GALR3: variants seen among roughly 807,000 people sequenced by gnomAD.
GALR3 encodes the protein galanin receptor 3.
GALR3 carries 5 observed loss-of-function variants against 6.9 expected under a neutral mutation model. The observed-to-expected ratio is 0.72, with a 90% CI of 0.38 to 1.52. The LOEUF is 1.52. Among genes scored for constraint, GALR3 ranks in the 40% most tolerant of loss-of-function variants. GALR3 has a pLI of 0.03. For synonymous variants in GALR3, 308 were observed against 263.6 expected (o/e 1.17, Z -1.63); for missense variants, 570 against 545.6 (o/e 1.04, Z -0.44).
chr22:37,823,771 C>G lies in GALR3; in HGVS notation c.359+6C>G. The G allele has an allele frequency of 1.4e-6, 2 of 1,476,522 alleles. No homozygotes were observed. Among genetic ancestry groups the G allele is most frequent in the Non-Finnish European group, 1.9e-6 (2 of 1,078,370 alleles). The allele number at this position is 1,476,522 out of a possible 1,614,324, so 91.5% of individuals were successfully genotyped here. A position where few individuals can be genotyped will look rare whatever the true frequency, so the allele number is the denominator to read the frequency against. ...GCTGCTGTCTCCGTGGACAGGTGCG[C>G]TGTGCCTGGGGCCTGGCTGGGCAGG... On this transcript the variant is annotated splice_donor_region_variant and intron_variant, in intron 1 of 1. Transcript: ENST00000249041.
chr22:37,824,937 G>T lies in GALR3; in HGVS notation c.574G>T (p.Gly192Cys). Reference sequence around the variant, plus strand: ...CCTGGACGTGGCCACCTTCGCTGCCGGCTACCTGCTGCCCGTGGCTGTGGT... The same window carrying T: ...CCTGGACGTGGCCACCTTCGCTGCCTGCTACCTGCTGCCCGTGGCTGTGGT... ...RALDVATFAA[G>C]YLLPVAVVSL... The change falls in exon 2 of 2, where the codon GGC becomes TGC. Residue 192 changes from glycine to cysteine, a missense_variant. Coordinates refer to ENST00000249041, the MANE Select transcript of GALR3 (RefSeq NM_003614.2). 2.3e-6 allele frequency: 3 copies of T among 1,326,646 alleles called. No individual in the cohort carries two copies. The highest frequency in any genetic ancestry group is 6.2e-5 in the East Asian group (2 of 32,426). The allele number at this position is 1,326,646 out of a possible 1,614,324, so 82.2% of individuals were successfully genotyped here.
chr22:37,824,913 C>A lies in GALR3; in HGVS notation c.550C>A (p.Leu184Met). 1 of 1,354,974 alleles carries A rather than the reference C, an allele frequency of 7.4e-7. No individual in the cohort carries two copies. The highest frequency in any genetic ancestry group is 3.0e-5 in the East Asian group (1 of 33,624). 83.9% of individuals were successfully genotyped at this position (1,354,974 alleles called of 1,614,324 possible). Residue 184 changes from leucine to methionine, a missense_variant, in exon 2 of 2, where the codon CTG (leucine) becomes ATG (methionine). Coordinates refer to ENST00000249041, the MANE Select transcript of GALR3 (RefSeq NM_003614.2). The stretch of plus-strand genomic sequence containing the variant: ...CTGGGAGGACGCGCGCCGCCGCGCC[C>A]TGGACGTGGCCACCTTCGCTGCCGG... ...PAWEDARRRALDVATFAAGYL... is the reference protein window; with the variant it reads ...PAWEDARRRAMDVATFAAGYL...
rs745311894 is a variant in GALR3, at chr22:37,823,728, G to A, written c.322G>A (p.Ala108Thr). Residue 108 changes from alanine (A) to threonine (T), a missense_variant, in exon 1 of 2, where the codon GCC becomes ACC. By Grantham distance (58) the Ala-to-Thr change is moderately conservative (BLOSUM62 0). Coordinates refer to ENST00000249041, the MANE Select transcript of GALR3 (RefSeq NM_003614.2). ...VHLLIYLTMY[A>T]SSFTLAAVSV... is the part of the protein sequence containing the mutation. ...CCTGCTCATCTACCTCACCATGTAC[G>A]CCAGCAGCTTTACGCTGGCTGCTGT... 13 of 1,612,192 alleles carry A rather than the reference G, an allele frequency of 8.1e-6. No individual in the cohort carries two copies. The highest frequency in any genetic ancestry group is 2.7e-5 in the African/African-American group (2 of 74,874).
chr22:37,825,271 G>T lies in GALR3; in HGVS notation c.908G>T (p.Arg303Leu). 1 of 1,336,146 alleles carries T rather than the reference G, an allele frequency of 7.5e-7. No homozygotes were observed. 82.8% of individuals were successfully genotyped at this position (1,336,146 alleles called of 1,614,324 possible). ...LASRHFRARFRRLWPCGRRRR... is the reference protein window; with the variant it reads ...LASRHFRARFLRLWPCGRRRR... ...TCGCGCCACTTCCGCGCGCGCTTCC[G>T]CCGCCTGTGGCCGTGCGGCCGCCGA... Residue 303 changes from arginine (R) to leucine (L), a missense_variant, in exon 2 of 2, where the codon CGC becomes CTC. Coordinates refer to ENST00000249041, the MANE Select transcript of GALR3 (RefSeq NM_003614.2).
Position 37,823,706 on chromosome 22 carries a change from G to T in GALR3, c.300G>T (p.Leu100=). Reference sequence around the variant, plus strand: ...CCCTCGTCTGCAAGGCCGTGCACCTGCTCATCTACCTCACCATGTACGCCA... The same window carrying T: ...CCCTCGTCTGCAAGGCCGTGCACCTTCTCATCTACCTCACCATGTACGCCA... The part of the protein sequence containing the change: ...FGALVCKAVH[L]LIYLTMYASS... The change falls in exon 1 of 2, where the codon CTG becomes CTT. Residue 100 remains leucine, a synonymous_variant. Coordinates refer to ENST00000249041, the MANE Select transcript of GALR3 (RefSeq NM_003614.2). 3 of 1,613,582 alleles carry T rather than the reference G, an allele frequency of 1.9e-6. No homozygotes were observed. Among genetic ancestry groups the T allele is most frequent in the Non-Finnish European group, 1.7e-6 (2 of 1,179,942 alleles).
chr22:37,824,797 TG>T lies in GALR3; in HGVS notation c.436del (p.Val146CysfsTer55). On this transcript the variant is annotated frameshift_variant, in exon 2 of 2. Transcript: ENST00000249041. LOFTEE classifies it low-confidence loss of function (END_TRUNC). ...TPRNARAAVG[L>X]VWLLAALFSA... The stretch of plus-strand genomic sequence containing the variant: ...CGTAACGCCCGCGCCGCAGTGGGGC[TG>T]GTGTGGCTGCTGGCGGCGCTCTTCT... 2 of 1,362,334 alleles carry T rather than the reference TG, an allele frequency of 1.5e-6. No individual in the cohort carries two copies. Among genetic ancestry groups the T allele is most frequent in the Non-Finnish European group, 1.9e-6 (2 of 1,053,150 alleles). The allele number at this position is 1,362,334 out of a possible 1,614,324, so 84.4% of individuals were successfully genotyped here.
rs2145945705 is a variant in GALR3, at chr22:37,825,314, C to T, written c.951C>T (p.Arg317=). 2.4e-6 allele frequency: 3 copies of T among 1,252,746 alleles called. No homozygotes were observed. Among genetic ancestry groups the T allele is most frequent in the South Asian group, 6.5e-5 (2 of 30,718 alleles). 77.6% of individuals were successfully genotyped at this position (1,252,746 alleles called of 1,614,324 possible). ...PCGRRRRHRA[R]RALRRVRPAS... ...GCCGCCGACGCCGCCACCGTGCCCG[C>T]CGCGCCTTGCGTCGCGTCCGCCCCG... is the stretch of plus-strand genomic sequence containing the variant. The change falls in exon 2 of 2, where the codon CGC becomes CGT. Residue 317 remains arginine (R), a synonymous_variant. Transcript: ENST00000249041.
intron 1 of GALR3, 50 bp downstream of exon 1, chr22:37,823,815 G>A: frequency 9.9e-7 from 1 of 1,009,080 alleles, no homozygotes; most frequent in Non-Finnish European, 1.5e-6. Context: ...GGCGGGGGTT[G>A]GGGGAGGAGT....
Position 37,825,276 on chromosome 22 carries a change from C to T in GALR3, c.913C>T (p.Leu305=), listed in dbSNP as rs562336974. 1.1e-5 allele frequency: 15 copies of T among 1,337,218 alleles called. No individual in the cohort carries two copies. In the South Asian group the frequency reaches 1.4e-4, roughly 12 times the overall value. 82.8% of individuals were successfully genotyped at this position (1,337,218 alleles called of 1,614,324 possible). Residue 305 remains leucine, a synonymous_variant, in exon 2 of 2, where the codon CTG becomes TTG. Transcript: ENST00000249041. ...SRHFRARFRR[L]WPCGRRRRHR... ...CCACTTCCGCGCGCGCTTCCGCCGCCTGTGGCCGTGCGGCCGCCGACGCCG... is the reference window on the plus strand; with the variant it reads ...CCACTTCCGCGCGCGCTTCCGCCGCTTGTGGCCGTGCGGCCGCCGACGCCG...
In GALR3 at chr22:37,825,224, C is replaced by A; in HGVS notation, c.861C>A (p.Asn287Lys). Reference sequence around the variant, plus strand: ...TGGCCTACGCCAACTCCTGCCTCAACCCGCTCGTCTACGCGCTCGCCTCGC... The same window carrying A: ...TGGCCTACGCCAACTCCTGCCTCAAACCGCTCGTCTACGCGCTCGCCTCGC... ...HCLAYANSCL[N>K]PLVYALASRH... Residue 287 changes from asparagine (N) to lysine (K), a missense_variant, in exon 2 of 2, where the codon AAC (asparagine) becomes AAA (lysine). By Grantham distance (94) the Asn-to-Lys change is moderately conservative (BLOSUM62 0). Transcript: ENST00000249041. The A allele has an allele frequency of 6.8e-7, 1 of 1,468,818 alleles. No individual in the cohort carries two copies. The highest frequency in any genetic ancestry group is 9.1e-7 in the Non-Finnish European group (1 of 1,104,138). The allele number at this position is 1,468,818 out of a possible 1,614,324, so 91.0% of individuals were successfully genotyped here.
rs2145945730 is a variant in GALR3 at position 37,825,332 on chromosome 22, C to T, written c.969C>T (p.Val323=). The change falls in exon 2 of 2, where the codon GTC becomes GTT. Residue 323 remains valine (V), a synonymous_variant. Coordinates refer to ENST00000249041, the MANE Select transcript of GALR3 (RefSeq NM_003614.2). ...RHRARRALRR[V]RPASSGPPGC... is the part of the protein sequence containing the mutation. ...GTGCCCGCCGCGCCTTGCGTCGCGTCCGCCCCGCGTCCTCGGGCCCACCCG... is the reference window on the plus strand; with the variant it reads ...GTGCCCGCCGCGCCTTGCGTCGCGTTCGCCCCGCGTCCTCGGGCCCACCCG... The T allele has an allele frequency of 1.6e-6, 2 of 1,274,384 alleles. No individual in the cohort carries two copies. Among genetic ancestry groups the T allele is most frequent in the Non-Finnish European group, 2.0e-6 (2 of 1,013,928 alleles). The allele number at this position is 1,274,384 out of a possible 1,614,324, so 78.9% of individuals were successfully genotyped here.
At chr22:37,824,582 G>C (rs1223096018) in intron 1 of GALR3, 141 bp from the exon 2 acceptor site, 2 of 345,234 alleles carry the variant, frequency 5.8e-6, no homozygotes, top group African/African-American at 4.4e-5. Flanking sequence ...TAAGCACCTT[G>C]CGCGTTCACA....
chr22:37,823,911 C>T (rs1569087607), intron 1 of GALR3, 146 bp downstream of exon 1: 1 of 611,600 alleles, frequency 1.6e-6, no homozygotes, highest in South Asian at 2.0e-5. Flanking sequence ...AGCTCCCTGA[C>T]CCCTCGCAAG....
Position 37,825,041 on chromosome 22 carries a change from G to A in GALR3, c.678G>A (p.Arg226=). The A allele has an allele frequency of 8.7e-7, 1 of 1,150,126 alleles. No homozygotes were observed. The allele number at this position is 1,150,126 out of a possible 1,614,324, so 71.2% of individuals were successfully genotyped here. The change falls in exon 2 of 2, where the codon CGG becomes CGA. Residue 226 remains arginine (R), a synonymous_variant. Coordinates refer to ENST00000249041, the MANE Select transcript of GALR3 (RefSeq NM_003614.2). Reference sequence around the variant, plus strand: ...CGGGCGCGGCGGCGGCCGAGGCGCGGCGGAGGGCGACGGGCCGCGCGGGGC... The same window carrying A: ...CGGGCGCGGCGGCGGCCGAGGCGCGACGGAGGGCGACGGGCCGCGCGGGGC... The part of the protein sequence containing the change: ...GPAGAAAAEA[R]RRATGRAGRA...
In GALR3 at chr22:37,824,922, GC is replaced by G; in HGVS notation, c.561del (p.Thr188ProfsTer13). The G allele has an allele frequency of 3.0e-6, 4 of 1,344,174 alleles. No homozygotes were observed. Among genetic ancestry groups the G allele is most frequent in the Non-Finnish European group, 2.9e-6 (3 of 1,043,546 alleles). The allele number at this position is 1,344,174 out of a possible 1,614,324, so 83.3% of individuals were successfully genotyped here. A position where few individuals can be genotyped will look rare whatever the true frequency, so the allele number is the denominator to read the frequency against. ...EDARRRALDVATFAAGYLLPV... is the reference protein window; with the variant it reads ...EDARRRALDVXTFAAGYLLPV... ...CGCGCGCCGCCGCGCCCTGGACGTGGCCACCTTCGCTGCCGGCTACCTGCTG... is the reference window on the plus strand; with the variant it reads ...CGCGCGCCGCCGCGCCCTGGACGTGGCACCTTCGCTGCCGGCTACCTGCTG... On this transcript the variant is annotated frameshift_variant, in exon 2 of 2. Coordinates refer to ENST00000249041, the MANE Select transcript of GALR3 (RefSeq NM_003614.2). LOFTEE classifies it low-confidence loss of function (END_TRUNC).
In GALR3 at chr22:37,825,224, C is replaced by T. The variant is rs1471651330; in HGVS notation, c.861C>T (p.Asn287=). The change falls in exon 2 of 2, where the codon AAC becomes AAT. Residue 287 remains asparagine (N), a synonymous_variant. Coordinates refer to ENST00000249041, the MANE Select transcript of GALR3 (RefSeq NM_003614.2). ...TGGCCTACGCCAACTCCTGCCTCAA[C>T]CCGCTCGTCTACGCGCTCGCCTCGC... ...HCLAYANSCL[N]PLVYALASRH... The T allele has an allele frequency of 2.0e-6, 3 of 1,468,710 alleles. No homozygotes were observed. Among genetic ancestry groups the T allele is most frequent in the East Asian group, 2.9e-5 (1 of 34,298 alleles). The allele number at this position is 1,468,710 out of a possible 1,614,324, so 91.0% of individuals were successfully genotyped here.
Position 37,824,787 on chromosome 22 carries a change from GCA to G in GALR3, c.425_426del (p.Ala142GlyfsTer198), listed in dbSNP as rs1922547589. 2 of 1,321,948 alleles carry G rather than the reference GCA, an allele frequency of 1.5e-6. No individual in the cohort carries two copies. The highest frequency in any genetic ancestry group is 1.9e-6 in the Non-Finnish European group (2 of 1,034,832). 81.9% of individuals were successfully genotyped at this position (1,321,948 alleles called of 1,614,324 possible). ...GCGCACGCCGCGTAACGCCCGCGCC[GCA>G]GTGGGGCTGGTGTGGCTGCTGGCGG... ...ALRTPRNARA[A>X]VGLVWLLAAL... On this transcript the variant is annotated frameshift_variant, in exon 2 of 2. Coordinates refer to ENST00000249041, the MANE Select transcript of GALR3 (RefSeq NM_003614.2). LOFTEE classifies it low-confidence loss of function (END_TRUNC).
chr22:37,824,802 T>G lies in GALR3; in HGVS notation c.439T>G (p.Trp147Gly), dbSNP rs746007109. 11 of 1,372,950 alleles carry G rather than the reference T, an allele frequency of 8.0e-6. No individual in the cohort carries two copies. Among genetic ancestry groups the G allele is most frequent in the Non-Finnish European group, 3.8e-6 (4 of 1,058,344 alleles). 85.0% of individuals were successfully genotyped at this position (1,372,950 alleles called of 1,614,324 possible). The change falls in exon 2 of 2, where the codon TGG (tryptophan) becomes GGG (glycine). Residue 147 changes from tryptophan (W) to glycine (G), a missense_variant. By Grantham distance (184) the Trp-to-Gly change is radical (BLOSUM62 -2). Coordinates refer to ENST00000249041, the MANE Select transcript of GALR3 (RefSeq NM_003614.2). ...CGCCCGCGCCGCAGTGGGGCTGGTG[T>G]GGCTGCTGGCGGCGCTCTTCTCGGC... Reference protein sequence around the residue: ...RNARAAVGLVWLLAALFSAPY... With the variant: ...RNARAAVGLVGLLAALFSAPY...
In GALR3 at chr22:37,824,817, C is replaced by A; in HGVS notation, c.454C>A (p.Leu152Ile). The A allele has an allele frequency of 7.2e-7, 1 of 1,391,714 alleles. No individual in the cohort carries two copies. Among genetic ancestry groups the A allele is most frequent in the Non-Finnish European group, 9.4e-7 (1 of 1,068,536 alleles). The allele number at this position is 1,391,714 out of a possible 1,614,324, so 86.2% of individuals were successfully genotyped here. ...AVGLVWLLAA[L>I]FSAPYLSYYG... Reference sequence around the variant, plus strand: ...GGGGCTGGTGTGGCTGCTGGCGGCGCTCTTCTCGGCGCCCTACCTCAGCTA... The same window carrying A: ...GGGGCTGGTGTGGCTGCTGGCGGCGATCTTCTCGGCGCCCTACCTCAGCTA... Residue 152 changes from leucine (L) to isoleucine (I), a missense_variant, in exon 2 of 2, where the codon CTC becomes ATC. By Grantham distance (5) the Leu-to-Ile change is conservative. Transcript: ENST00000249041.
Sources: gnomAD v4.1 joint callset for allele counts on GRCh38, gnomAD v4.1.1 for gene constraint, MANE v1.5 for transcripts, NCBI Gene and HGNC (gene_info 2026-07-23, HGNC 2026-07-21) for gene names.